Variants in PDE3B observed in about 807,000 individuals in gnomAD.
The protein encoded by PDE3B is cGMP-inhibited 3',5'-cyclic phosphodiesterase 3B.
Under a neutral mutation model 116.8 loss-of-function variants are expected in PDE3B, and 66 were observed. That is an observed-to-expected ratio of 0.56 (90% confidence interval 0.46 to 0.69). PDE3B has a LOEUF of 0.69. PDE3B is among the 30% of genes least tolerant of loss of function. The probability of loss-of-function intolerance (pLI) is 0.00; values close to 1 mark genes in which losing one functional copy is unlikely to be tolerated. For missense variants in PDE3B, 1,384 were observed against 1,368.1 expected, an observed-to-expected ratio of 1.01 and a Z score of -0.18; for synonymous variants, 595 against 533.6, an observed-to-expected ratio of 1.12 and a Z score of -1.59.
chr11:14,829,981 C>T (rs776653377), intron 7 of PDE3B, among the ~76,000 whole-genome samples: 1 of 152,084 alleles, frequency 6.6e-6, no homozygotes, highest in Non-Finnish European at 1.5e-5. Flanking sequence ...TAAAGAGAAT[C>T]AGAGAGTATA....
intron 1 of PDE3B, among the ~76,000 whole-genome samples, chr11:14,656,875 C>T (rs540285130): frequency 1.3e-5 from 2 of 152,060 alleles, no homozygotes; most frequent in South Asian, 2.1e-4. Context: ...TGAGACAATC[C>T]GTTTTTATTG....
At chr11:14,872,989 C>T (rs552291342), downstream of PDE3B, among the ~76,000 whole-genome samples, 48 of 152,246 alleles carry the variant, frequency 3.2e-4, no homozygotes, top group Middle Eastern at 3.4e-3. Flanking sequence ...ACCTAGGCCC[C>T]AGTAGACCAG....
chr11:14,854,598 A>G (rs1480850234), intron 12 of PDE3B, among the ~76,000 whole-genome samples: 1 of 151,892 alleles, frequency 6.6e-6, no homozygotes, highest in Non-Finnish European at 1.5e-5. Flanking sequence ...GCTCACTGCA[A>G]CCTCTGCCTC....
intron 1 of PDE3B, among the ~76,000 whole-genome samples, chr11:14,658,538 T>G (rs1461823297): frequency 1.3e-5 from 2 of 152,144 alleles, no homozygotes; most frequent in Non-Finnish European, 2.9e-5. Flanking sequence ...GTATTTTTAG[T>G]AGAGACGGGG....
At chr11:14,857,144 C>T (rs1555006307) in intron 12 of PDE3B, among the ~76,000 whole-genome samples, 2 of 152,090 alleles carry the variant, frequency 1.3e-5, no homozygotes, top group Non-Finnish European at 2.9e-5. Context: ...ATTTGTTTTG[C>T]CAAAGTATTG....
intron 4 of PDE3B, among the ~76,000 whole-genome samples, chr11:14,793,057 C>T (rs1858440757): frequency 1.3e-5 from 2 of 152,172 alleles, no homozygotes; most frequent in South Asian, 4.1e-4. Context: ...AACAAGTGTC[C>T]TGCAGAGGTA....
chr11:14,822,381 AG>A (rs1859547785), intron 7 of PDE3B, among the ~76,000 whole-genome samples: 1 of 152,266 alleles, frequency 6.6e-6, no homozygotes, highest in African/African-American at 2.4e-5. Flanking sequence ...GAGTACATAC[AG>A]CACCTTCAAC....
intron 1 of PDE3B, among the ~76,000 whole-genome samples, chr11:14,651,381 C>T (rs934068553): frequency 1.3e-5 from 2 of 152,156 alleles, no homozygotes; most frequent in African/African-American, 2.4e-5. Flanking sequence ...AATAAGATTA[C>T]ATTCTGAGGT....
chr11:14,839,963 A>T (rs1056056943), intron 11 of PDE3B, among the ~76,000 whole-genome samples: 2 of 152,202 alleles, frequency 1.3e-5, no homozygotes, highest in Non-Finnish European at 2.9e-5. Context: ...GAGTTGAGGG[A>T]TAACTGATAC....
At chr11:14,846,826 C>T (rs1422748244) in intron 12 of PDE3B, among the ~76,000 whole-genome samples, 1 of 151,982 alleles carries the variant, frequency 6.6e-6, no homozygotes, top group African/African-American at 2.4e-5. Flanking sequence ...ACAGGAGCAC[C>T]CAGATTCATA....
At chr11:14,646,357 T>C (rs558984669) in intron 1 of PDE3B, among the ~76,000 whole-genome samples, 1 of 152,344 alleles carries the variant, frequency 6.6e-6, no homozygotes, top group South Asian at 2.1e-4. Context: ...AATGACACAA[T>C]ACTTTGCTTC....
At chr11:14,780,311 G>A (rs184640233) in intron 2 of PDE3B, among the ~76,000 whole-genome samples, 3 of 152,098 alleles carry the variant, frequency 2.0e-5, no homozygotes, top group East Asian at 1.9e-4. Flanking sequence ...TGCACCAAGC[G>A]AACCTAATAG....
At chr11:14,878,310 A>ATC in the PDE3B span, 1 of 1,612,178 alleles carries the variant, frequency 6.2e-7, no homozygotes, top group Non-Finnish European at 8.5e-7. Flanking sequence ...AAACAGAAAA[A>ATC]GCAGATACAA....
chr11:14,714,304 C>T (rs553575010), intron 1 of PDE3B, among the ~76,000 whole-genome samples: 1 of 152,128 alleles, frequency 6.6e-6, no homozygotes, highest in African/African-American at 2.4e-5. Flanking sequence ...TGACATTCTT[C>T]CCTTGGCCCT....
chr11:14,702,354 T>C (rs986199806), intron 1 of PDE3B, among the ~76,000 whole-genome samples: 12 of 151,862 alleles, frequency 7.9e-5, no homozygotes, highest in Non-Finnish European at 1.6e-4. Context: ...TGGCACATTT[T>C]GGTCTTTGCT....
chr11:14,898,659 G>GA, the PDE3B span, among the ~76,000 whole-genome samples: 1 of 151,938 alleles, frequency 6.6e-6, no homozygotes, highest in Non-Finnish European at 1.5e-5. Flanking sequence ...AGCTGGTGGC[G>GA]AAAAAAACAG....
chr11:14,702,799 T>C (rs1855407571), intron 1 of PDE3B, among the ~76,000 whole-genome samples: 1 of 152,018 alleles, frequency 6.6e-6, no homozygotes, highest in African/African-American at 2.4e-5. Context: ...ATTTCCATCA[T>C]GGTTTATAAC....
chr11:14,751,553 T>C (rs928895936), intron 1 of PDE3B, among the ~76,000 whole-genome samples: 1 of 152,188 alleles, frequency 6.6e-6, no homozygotes, highest in African/African-American at 2.4e-5. Flanking sequence ...ATCAGCCGTA[T>C]TGTTTTGGTT....
chr11:14,833,027 T>C (rs1179393540), intron 10 of PDE3B, among the ~76,000 whole-genome samples, 194 bp downstream of exon 10: 1 of 152,020 alleles, frequency 6.6e-6, no homozygotes, highest in Non-Finnish European at 1.5e-5. Context: ...CTTGGCCCAC[T>C]GCAACCTCCG....
Sources: allele counts gnomAD v4.1 joint callset (sites outside exome capture counted in the v4.1 genomes callset), GRCh38; gene constraint gnomAD v4.1.1; transcripts MANE v1.5; gene names NCBI Gene and HGNC (gene_info 2026-07-23, HGNC 2026-07-21).